Variants in DSG2 observed in about 807,000 individuals in gnomAD.
DSG2 encodes desmoglein-2.
A neutral mutation model predicts 75.6 loss-of-function variants in DSG2; 45 were observed. That is an observed-to-expected ratio of 0.60 (90% CI 0.47 to 0.76). The LOEUF is 0.76. DSG2 is among the 30% of genes least tolerant of loss of function. The pLI is 0.00. For synonymous variants in DSG2, 429 were observed against 483.9 expected (o/e 0.89, Z 1.49); for missense variants, 1,267 against 1,357.4 (o/e 0.93, Z 1.05).
At chr18:31,504,037 T>C (rs1308514016) in intron 1 of DSG2, among the ~76,000 whole-genome samples, 1 of 152,234 alleles carries the variant, frequency 6.6e-6, no homozygotes, top group Non-Finnish European at 1.5e-5. Context: ...GACCCTCTTT[T>C]TGAAAGGCAA....
At chr18:31,525,270 C>T (rs1013414853) in intron 8 of DSG2, among the ~76,000 whole-genome samples, 10 of 152,188 alleles carry the variant, frequency 6.6e-5, no homozygotes, top group African/African-American at 2.4e-4. Flanking sequence ...CAGCCCCACA[C>T]TTTGAGAAGC....
intron 1 of DSG2, among the ~76,000 whole-genome samples, chr18:31,513,169 A>G (rs1478415100): frequency 6.6e-6 from 1 of 152,228 alleles, no homozygotes; most frequent in African/African-American, 2.4e-5. Context: ...TTGAATATCA[A>G]TCGTAAGAAA....
intron 1 of DSG2, among the ~76,000 whole-genome samples, chr18:31,517,834 T>C (rs2073102614): frequency 6.6e-6 from 1 of 151,922 alleles, no homozygotes; most frequent in African/African-American, 2.4e-5. Flanking sequence ...TGCACACACA[T>C]CCATAGGGAT....
intron 1 of DSG2, 24 bp from the exon 2 acceptor site, chr18:31,518,215 A>G: frequency 5.0e-6 from 8 of 1,599,658 alleles, no homozygotes; most frequent in Non-Finnish European, 6.9e-6. Context: ...AATTGGCTAA[A>G]TATCAAATAA....
chr18:31,539,516 T>C (rs2073253498), intron 12 of DSG2, among the ~76,000 whole-genome samples: 1 of 152,216 alleles, frequency 6.6e-6, no homozygotes, highest in Admixed American at 6.5e-5. Context: ...GCACTTCCTG[T>C]CCTTCCTGAC....
At chr18:31,544,902 AG>A (rs1255880358) in intron 14 of DSG2, among the ~76,000 whole-genome samples, 4 of 152,202 alleles carry the variant, frequency 2.6e-5, no homozygotes, top group African/African-American at 9.6e-5. Flanking sequence ...CATTGAGGAA[AG>A]CAAGTTACTT....
At position 31,541,313 on chromosome 18, in the gene DSG2, AGGTCAG is replaced by A. The variant is rs779360113; in HGVS notation, c.2001_2001+5del. On this transcript the variant is annotated splice_donor_variant and splice_donor_5th_base_variant and coding_sequence_variant and intron_variant, in exon 13 of 15. Transcript: ENST00000261590. LOFTEE classifies it high-confidence loss of function. ...AATGAAGGAGCACCACCTGAAGACAAGGTCAGTGGATCAGATGTCAATATGACTTGT... is the reference window on the plus strand; with the variant it reads ...AATGAAGGAGCACCACCTGAAGACAATGGATCAGATGTCAATATGACTTGT... The A allele has an allele frequency of 1.6e-5, 26 of 1,614,026 alleles. No individual in the cohort carries two copies. Among genetic ancestry groups the A allele is most frequent in the Non-Finnish European group, 2.2e-5 (26 of 1,179,944 alleles).
intron 1 of DSG2, among the ~76,000 whole-genome samples, chr18:31,514,460 G>A (rs1401777581): frequency 6.6e-6 from 1 of 152,080 alleles, no homozygotes; most frequent in Non-Finnish European, 1.5e-5. Context: ...TATTTTATGA[G>A]TTTCTGCCTT....
Position 31,542,806 on chromosome 18 carries a change from CT to C in DSG2, c.2289del (p.Ala764LeufsTer4), listed in dbSNP as rs1202989416. The C allele has an allele frequency of 1.3e-6, 2 of 1,591,650 alleles. No individual in the cohort carries two copies. The highest frequency in any genetic ancestry group is 1.8e-5 in the Admixed American group (1 of 55,724). On this transcript the variant is annotated frameshift_variant, in exon 14 of 15. Coordinates refer to ENST00000261590, the MANE Select transcript of DSG2 (RefSeq NM_001943.5). LOFTEE classifies it low-confidence loss of function (END_TRUNC). ...ASRDMAGAQA[A>X]AVALNEEFLR... The stretch of plus-strand genomic sequence containing the variant: ...AGAGACATGGCCGGAGCTCAGGCAG[CT>C]GCTGTTGCACTGAACGAAGAATTCT...
intron 8 of DSG2, 51 bp from the exon 9 acceptor site, chr18:31,530,936 A>G (rs1350842244): frequency 1.3e-6 from 2 of 1,583,046 alleles, no homozygotes; most frequent in African/African-American, 1.3e-5. Flanking sequence ...ATATGTATAC[A>G]TGTCTTCTGT....
At chr18:31,539,063 C>T in intron 12 of DSG2, 85 bp downstream of exon 12, 4 of 1,322,562 alleles carry the variant, frequency 3.0e-6, no homozygotes, top group Non-Finnish European at 4.3e-6. Context: ...TCATTGATTT[C>T]TTCACAGTTA....
intron 1 of DSG2, among the ~76,000 whole-genome samples, chr18:31,512,757 C>G (rs550645541): frequency 2.0e-4 from 30 of 152,358 alleles, no homozygotes; most frequent in Non-Finnish European, 4.4e-4. Context: ...GCAGCCCCTT[C>G]TGAGAGTTTT....
chr18:31,523,200 G>C (rs1258514872), intron 6 of DSG2, among the ~76,000 whole-genome samples: 1 of 152,114 alleles, frequency 6.6e-6, no homozygotes, highest in Non-Finnish European at 1.5e-5. Flanking sequence ...AGGAGATCGA[G>C]ACCATCCTGG....
intron 1 of DSG2, among the ~76,000 whole-genome samples, chr18:31,502,613 T>C (rs908432529): frequency 6.6e-6 from 1 of 152,088 alleles, no homozygotes; most frequent in Non-Finnish European, 1.5e-5. Flanking sequence ...TAGCTGGGTG[T>C]GGTGGCACAT....
chr18:31,520,703 T>A, intron 3 of DSG2, 100 bp from the exon 4 acceptor site: 1 of 1,257,028 alleles, frequency 8.0e-7, no homozygotes, highest in Non-Finnish European at 1.1e-6. Flanking sequence ...AATATTTACC[T>A]GTAAATTATA....
intron 8 of DSG2, among the ~76,000 whole-genome samples, chr18:31,527,974 C>G (rs2073172750): frequency 6.6e-6 from 1 of 152,176 alleles, no homozygotes; most frequent in African/African-American, 2.4e-5. Flanking sequence ...AAGCCCCACT[C>G]TTAATATCAT....
At position 31,524,778 on chromosome 18, in the gene DSG2, G is replaced by A. The variant is rs1402723514; in HGVS notation, c.904G>A (p.Gly302Ser). The change falls in exon 8 of 15, where the codon GGT becomes AGT. Residue 302 changes from glycine to serine, a missense_variant. Physicochemically the swap from Gly to Ser is moderately conservative, Grantham distance 56 (BLOSUM62 0). Transcript: ENST00000261590. The part of the protein sequence containing the change: ...RIKVFDADEI[G>S]SDNWLANFTF... ...AAAAGTGTTCGATGCAGATGAAATA[G>A]GTTCTGATAATTGGCTGGCAAATTT... 1 of 1,614,178 alleles carries A rather than the reference G, an allele frequency of 6.2e-7. No homozygotes were observed. Among genetic ancestry groups the A allele is most frequent in the Non-Finnish European group, 8.5e-7 (1 of 1,180,032 alleles).
At position 31,518,260 on chromosome 18, in the gene DSG2, G is replaced by A; in HGVS notation, c.67G>A (p.Gly23Arg). Residue 23 changes from glycine to arginine, a missense_variant, in exon 2 of 15, where the codon GGA becomes AGA. Transcript: ENST00000261590. ...LLLICFNVGS[G>R]LHLQVLSTRN... ...ACAGATCTGCTTTAACGTTGGAAGT[G>A]GACTTCACTTACAGGTGAGGAAACA... is the stretch of plus-strand genomic sequence containing the variant. 6.2e-7 allele frequency: 1 copy of A among 1,613,368 alleles called. No individual in the cohort carries two copies. The highest frequency in any genetic ancestry group is 8.5e-7 in the Non-Finnish European group (1 of 1,179,420).
At chr18:31,499,276 T>C (rs2073001541) in intron 1 of DSG2, among the ~76,000 whole-genome samples, 1 of 152,108 alleles carries the variant, frequency 6.6e-6, no homozygotes, top group Admixed American at 6.5e-5. Flanking sequence ...AAAATGCAAA[T>C]ACATTCACTA....
Sources: allele counts gnomAD v4.1 joint callset (sites outside exome capture counted in the v4.1 genomes callset), GRCh38; gene constraint gnomAD v4.1.1; transcripts MANE v1.5; gene names NCBI Gene and HGNC (gene_info 2026-07-23, HGNC 2026-07-21).